Variants in OTOF observed in about 807,000 individuals in gnomAD.
OTOF encodes fer-1-like family member 2.
A neutral mutation model predicts 236.8 loss-of-function variants in OTOF; 218 were observed. That is an observed-to-expected ratio of 0.92 (90% CI 0.82 to 1.03). OTOF has a LOEUF of 1.03. OTOF is among the 50% of genes least tolerant of loss of function. OTOF has a pLI of 0.00. For missense variants in OTOF, 2,590 were observed against 2,694.4 expected (o/e 0.96, Z 0.86); for synonymous variants, 1,041 against 1,072.5 (o/e 0.97, Z 0.57).
At position 26,480,872 on chromosome 2, in the gene OTOF, G is replaced by C; in HGVS notation, c.1717C>G (p.Leu573Val). 6.2e-7 allele frequency: 1 copy of C among 1,613,004 alleles called. No individual in the cohort carries two copies. ...VSFRARLLLGLAVEIVDTSNP... is the reference protein window; with the variant it reads ...VSFRARLLLGVAVEIVDTSNP... ...GAGGTGTCTACGATCTCCACAGCCAGGCCCAGCAGGAGCCGGGCCCGGAAG... is the reference window on the plus strand; with the variant it reads ...GAGGTGTCTACGATCTCCACAGCCACGCCCAGCAGGAGCCGGGCCCGGAAG... The change falls in exon 15 of 47, where the codon CTG becomes GTG. Residue 573 changes from leucine to valine, a missense_variant. By Grantham distance (32) the Leu-to-Val change is conservative. Coordinates refer to ENST00000272371, the MANE Select transcript of OTOF (RefSeq NM_194248.3).
intron 1 of OTOF, among the ~76,000 whole-genome samples, chr2:26,550,955 G>A (rs1667446521): frequency 1.3e-5 from 2 of 152,098 alleles, no homozygotes; most frequent in Non-Finnish European, 2.9e-5. Context: ...GTCTGCACTA[G>A]TGTTAGCCCC....
intron 30 of OTOF, among the ~76,000 whole-genome samples, chr2:26,471,543 C>T (rs996115745): frequency 6.6e-6 from 1 of 152,158 alleles, no homozygotes; most frequent in Admixed American, 6.5e-5. Flanking sequence ...CTCCTCTGAC[C>T]CAGGCCAGGG....
At chr2:26,521,639 T>A (rs753013796) in intron 3 of OTOF, among the ~76,000 whole-genome samples, 9 of 152,188 alleles carry the variant, frequency 5.9e-5, no homozygotes, top group Non-Finnish European at 1.0e-4. Context: ...AATCACACAG[T>A]GTGCTGAGCA....
At chr2:26,475,219 G>A (rs1665193286) in intron 25 of OTOF, 140 bp downstream of exon 25, 1 of 973,930 alleles carries the variant, frequency 1.0e-6, no homozygotes, top group Non-Finnish European at 1.6e-6. Flanking sequence ...CCCACTCCCA[G>A]CTTCCCAGCC....
intron 13 of OTOF, 66 bp from the exon 14 acceptor site, chr2:26,482,658 T>A: frequency 7.2e-7 from 1 of 1,385,208 alleles, no homozygotes; most frequent in South Asian, 1.2e-5. Flanking sequence ...TGTGTGTGTG[T>A]GTGAGTGGGC....
At position 26,476,261 on chromosome 2, in the gene OTOF, C is replaced by T. The variant is rs376443083; in HGVS notation, c.2733G>A (p.Glu911=). ...SAGWTVQAKV[E]LYLWLGLSKQ... ...TGCTGAGGCCCAGCCACAGGTACAG[C>T]TCCACCTTGGCCTGCACTGTCCAGC... The change falls in exon 23 of 47, where the codon GAG becomes GAA. Residue 911 remains glutamate (E), a synonymous_variant. Transcript: ENST00000272371. 2.3e-5 allele frequency: 37 copies of T among 1,606,172 alleles called. No homozygotes were observed. In the African/African-American group the frequency reaches 4.9e-4, roughly 21 times the overall value.
Position 26,480,313 on chromosome 2 carries a change from TG to T in OTOF, c.1804-3del. Reference sequence around the variant, plus strand: ...TTCTTCCATTTTACCTGCACAGCTCTGTGGGGAGGCAGTTCAAAGCGTTCCT... The same window carrying T: ...TTCTTCCATTTTACCTGCACAGCTCTTGGGGAGGCAGTTCAAAGCGTTCCT... On this transcript the variant is annotated splice_polypyrimidine_tract_variant and splice_region_variant and intron_variant, in intron 15 of 46. Coordinates refer to ENST00000272371, the MANE Select transcript of OTOF (RefSeq NM_194248.3). 3 of 1,575,574 alleles carry T rather than the reference TG, an allele frequency of 1.9e-6. No individual in the cohort carries two copies. The highest frequency in any genetic ancestry group is 2.7e-5 in the African/African-American group (2 of 74,332).
intron 2 of OTOF, among the ~76,000 whole-genome samples, chr2:26,529,469 GCTT>G (rs1666887953): frequency 6.6e-6 from 1 of 152,174 alleles, no homozygotes; most frequent in South Asian, 2.1e-4. Context: ...GTGGGTAATG[GCTT>G]CTGTGCTCTA....
intron 4 of OTOF, 92 bp from the exon 5 acceptor site, chr2:26,516,691 T>C: frequency 7.5e-7 from 1 of 1,330,120 alleles, no homozygotes. Flanking sequence ...TACACAGCGC[T>C]TCCACACCCT....
In OTOF at chr2:26,479,589, C is replaced by T. The variant is rs145589784; in HGVS notation, c.1977G>A (p.Pro659=). 289 of 1,612,734 alleles carry T rather than the reference C, an allele frequency of 1.8e-4. No homozygotes were observed. The highest frequency in any genetic ancestry group is 2.3e-4 in the Non-Finnish European group (266 of 1,179,912). Residue 659 remains proline (P), a synonymous_variant, in exon 17 of 47, where the codon CCG becomes CCA. Transcript: ENST00000272371. ...TCAGGTCTACTTCTTCCTCATCCCC[C>T]GGCTCCTTCCGGGGCCGAGGCCGCT... The part of the protein sequence containing the change: ...RPQRPRPRKE[P]GDEEEVDLIQ...
chr2:26,531,584 C>T (rs1666950042), intron 2 of OTOF, among the ~76,000 whole-genome samples: 1 of 152,226 alleles, frequency 6.6e-6, no homozygotes, highest in Non-Finnish European at 1.5e-5. Context: ...CCATCACTTT[C>T]CTCTTCTGCC....
chr2:26,486,955 G>C (rs1339071886), intron 11 of OTOF, among the ~76,000 whole-genome samples: 2 of 152,192 alleles, frequency 1.3e-5, no homozygotes, highest in Non-Finnish European at 2.9e-5. Context: ...CTGCATCCCA[G>C]ACCTCCTTTA....
intron 46 of OTOF, among the ~76,000 whole-genome samples, 169 bp downstream of exon 46, chr2:26,459,839 G>C (rs1489791231): frequency 6.6e-6 from 1 of 152,172 alleles, no homozygotes; most frequent in Non-Finnish European, 1.5e-5. Flanking sequence ...GTGTGTGCTT[G>C]AGTGCATGTG....
intron 5 of OTOF, among the ~76,000 whole-genome samples, chr2:26,504,914 G>C (rs902656350): frequency 6.6e-6 from 1 of 152,208 alleles, no homozygotes; most frequent in African/African-American, 2.4e-5. Flanking sequence ...GCTTACAGCA[G>C]AGTCCACCCT....
At chr2:26,535,354 G>A (rs939872946) in intron 2 of OTOF, among the ~76,000 whole-genome samples, 26 of 152,234 alleles carry the variant, frequency 1.7e-4, no homozygotes, top group African/African-American at 6.3e-4. Context: ...CGGAGATTGA[G>A]TGGAAGGGGC....
At position 26,481,664 on chromosome 2, in the gene OTOF, C is replaced by T. The variant is rs553414813; in HGVS notation, c.1580-655G>A. Among the ~76,000 whole-genome samples the T allele has an allele frequency of 1.2e-4, 18 of 152,242 alleles. No homozygotes were observed. In the South Asian group the frequency reaches 3.5e-3, roughly 30 times the overall value. On this transcript the variant is annotated intron_variant, in intron 14 of 46. Transcript: ENST00000272371. ...TAAAGTGTACATTTCAGTGGTTTTT[C>T]GTATATTCACTGTGCTATAAACCAT...
chr2:26,501,787 C>T lies in OTOF; in HGVS notation c.732G>A (p.Met244Ile), dbSNP rs770836585. Residue 244 changes from methionine to isoleucine, a missense_variant, in exon 8 of 47, where the codon ATG (methionine) becomes ATA (isoleucine). Transcript: ENST00000272371. The part of the protein sequence containing the change: ...SNKRSKPDIK[M>I]EPSAGRPMDY... ...CCATGGGCCGCCCAGCACTTGGCTCCATCTTAATGTCTGGCTTAGATCTGA... is the reference window on the plus strand; with the variant it reads ...CCATGGGCCGCCCAGCACTTGGCTCTATCTTAATGTCTGGCTTAGATCTGA... 6.8e-6 allele frequency: 11 copies of T among 1,613,728 alleles called. No homozygotes were observed. The highest frequency in any genetic ancestry group is 1.3e-5 in the African/African-American group (1 of 74,908).
chr2:26,489,350 A>G (rs1417856016), intron 10 of OTOF, 55 bp from the exon 11 acceptor site: 2 of 1,372,464 alleles, frequency 1.5e-6, no homozygotes, highest in African/African-American at 2.9e-5. Context: ...GAGGCTTTCC[A>G]TGGGGCAGTG....
At chr2:26,518,804 C>T (rs377645835) in intron 4 of OTOF, among the ~76,000 whole-genome samples, 3 of 152,362 alleles carry the variant, frequency 2.0e-5, no homozygotes, top group African/African-American at 7.2e-5. Flanking sequence ...TACTGTGGGG[C>T]AGCAGACCCT....
Sources: gnomAD v4.1 joint callset for allele counts (sites outside exome capture counted in the v4.1 genomes callset) on GRCh38, gnomAD v4.1.1 for gene constraint, MANE v1.5 for transcripts, NCBI Gene and HGNC (gene_info 2026-07-23, HGNC 2026-07-21) for gene names.